Variants in ADAMTS17 observed in about 807,000 individuals in gnomAD.
ADAMTS17 encodes A disintegrin and metalloproteinase with thrombospondin motifs 17.
Under a neutral mutation model 141.5 loss-of-function variants are expected in ADAMTS17, and 113 were observed. The observed-to-expected ratio is 0.80, with a 90% CI of 0.69 to 0.93. The LOEUF (loss-of-function observed/expected upper bound fraction) is 0.93. ADAMTS17 is among the 40% of genes least tolerant of loss of function. The pLI, the probability that ADAMTS17 is intolerant of heterozygous loss-of-function variation, is 0.00. For missense variants in ADAMTS17, 1,659 were observed against 1,517.9 expected, an observed-to-expected ratio of 1.09 and a Z score of -1.54; for synonymous variants, 768 against 630.6, an observed-to-expected ratio of 1.22 and a Z score of -3.27.
rs1174340931 is a variant in ADAMTS17 at position 100,132,133 on chromosome 15, C to T, written c.1595G>A (p.Cys532Tyr). ...GADKWCRAGECVSKTPIPEHV... is the reference protein window; with the variant it reads ...GADKWCRAGEYVSKTPIPEHV... ...CTCCGGGATGGGCGTCTTGCTCACG[C>T]ACTCCCCCGCGCGGCACCACTGAAA... Residue 532 changes from cysteine (C) to tyrosine (Y), a missense_variant, in exon 12 of 22, where the codon TGC becomes TAC. Cys to Tyr is a radical substitution (Grantham distance 194). Coordinates refer to ENST00000268070, the MANE Select transcript of ADAMTS17 (RefSeq NM_139057.4). 6.2e-7 allele frequency: 1 copy of T among 1,613,886 alleles called. No individual in the cohort carries two copies.
At chr15:100,175,424 C>T (rs912577073) in intron 8 of ADAMTS17, among the ~76,000 whole-genome samples, 1 of 152,128 alleles carries the variant, frequency 6.6e-6, no homozygotes, top group South Asian at 2.1e-4. Context: ...CAGTAGAGCG[C>T]TCATGCATCT....
chr15:100,113,821 T>C (rs2036940523), intron 13 of ADAMTS17, among the ~76,000 whole-genome samples: 1 of 152,140 alleles, frequency 6.6e-6, no homozygotes, highest in Non-Finnish European at 1.5e-5. Flanking sequence ...GGCTCAGACC[T>C]GGGGGGTTCT....
chr15:100,329,525 C>G (rs1278800365), intron 3 of ADAMTS17, among the ~76,000 whole-genome samples: 1 of 111,514 alleles, frequency 9.0e-6, no homozygotes, highest in Non-Finnish European at 1.9e-5. Flanking sequence ...GATCGTGTCT[C>G]CAAAAAAAAA....
intron 4 of ADAMTS17, among the ~76,000 whole-genome samples, chr15:100,272,496 T>C (rs1050861821): frequency 6.6e-6 from 1 of 150,802 alleles, no homozygotes; most frequent in Non-Finnish European, 1.5e-5. Context: ...AGATTATTGT[T>C]AGCATATAGA....
intron 15 of ADAMTS17, among the ~76,000 whole-genome samples, chr15:100,064,348 G>A (rs1013909535): frequency 1.3e-5 from 2 of 152,178 alleles, no homozygotes; most frequent in East Asian, 1.9e-4. Context: ...CCAAAAGACA[G>A]TAAGTTTCTG....
chr15:100,240,241 C>T (rs1425387669), intron 7 of ADAMTS17, among the ~76,000 whole-genome samples: 1 of 152,192 alleles, frequency 6.6e-6, no homozygotes, highest in African/African-American at 2.4e-5. Flanking sequence ...GAGCTGCAGG[C>T]ACCTTTCCAA....
intron 18 of ADAMTS17, among the ~76,000 whole-genome samples, chr15:100,017,894 T>A (rs997846100): frequency 6.6e-6 from 1 of 152,328 alleles, no homozygotes; most frequent in East Asian, 1.9e-4. Flanking sequence ...TTATGTGTGT[T>A]TTTTTGTCGT....
intron 18 of ADAMTS17, among the ~76,000 whole-genome samples, chr15:100,017,242 T>G (rs999864143): frequency 2.0e-5 from 3 of 152,196 alleles, no homozygotes; most frequent in Non-Finnish European, 4.4e-5. Context: ...CGAGTCTGTT[T>G]CCAGGCAGTG....
At position 99,971,518 on chromosome 15, in the gene ADAMTS17, A is replaced by G. The variant is rs913486375; in HGVS notation, c.*2884T>C. ...ATTTTTCTATATAATTTTCATGTAT[A>G]ATGGCGTCCAATGTTTGTCTTCCGT... On this transcript the variant is annotated 3_prime_UTR_variant, in exon 22 of 22. Transcript: ENST00000268070. The G allele has an allele frequency of 2.0e-5, 3 of 152,260 alleles. No individual in the cohort carries two copies. Among genetic ancestry groups the G allele is most frequent in the Non-Finnish European group, 2.9e-5 (2 of 68,052 alleles). The allele number at this position is 152,260 out of a possible 1,614,324, so 9.4% of individuals were successfully genotyped here. A position where few individuals can be genotyped will look rare whatever the true frequency, so the allele number is the denominator to read the frequency against.
At chr15:100,052,885 T>A (rs1212156110) in intron 16 of ADAMTS17, among the ~76,000 whole-genome samples, 1 of 152,192 alleles carries the variant, frequency 6.6e-6, no homozygotes, top group Non-Finnish European at 1.5e-5. Flanking sequence ...TCCCCAGAAA[T>A]TTTAACGGGG....
intron 18 of ADAMTS17, 45 bp downstream of exon 18, chr15:100,048,812 G>A (rs753515405): frequency 1.4e-5 from 22 of 1,613,500 alleles, no homozygotes; most frequent in African/African-American, 6.7e-5. Context: ...TGGTGCTGCC[G>A]CCCCAGACTC....
Position 100,306,397 on chromosome 15 carries a change from G to A in ADAMTS17, c.616+24492C>T, listed in dbSNP as rs903681682. 11 of 442,138 alleles carry A rather than the reference G, an allele frequency of 2.5e-5. 1 individual carries two copies. The highest frequency in any genetic ancestry group is 6.4e-5 in the South Asian group (4 of 62,522). 27.4% of individuals were successfully genotyped at this position (442,138 alleles called of 1,614,324 possible). A position where few individuals can be genotyped will look rare whatever the true frequency, so the allele number is the denominator to read the frequency against. On this transcript the variant is annotated intron_variant, in intron 3 of 21. Transcript: ENST00000268070. ...ATTGGGAGCCCTGGTGGCCATAGAA[G>A]AAGTATGTCTGCCACCAAGGTATGG... is the stretch of plus-strand genomic sequence containing the variant.
chr15:100,141,663 G>T (rs4564540), intron 10 of ADAMTS17, among the ~76,000 whole-genome samples: 76,855 of 151,982 alleles, frequency 0.51, 19,939 homozygotes, highest in Non-Finnish European at 0.55. Flanking sequence ...CCTGGCTGGG[G>T]TTGGGGGCTG....
intron 3 of ADAMTS17, among the ~76,000 whole-genome samples, chr15:100,308,445 A>T (rs759051103): frequency 8.5e-5 from 13 of 152,204 alleles, no homozygotes; most frequent in Admixed American, 5.9e-4. Flanking sequence ...CTTCCTGAGC[A>T]AAGTGCCCAC....
chr15:100,330,008 A>G (rs1484368951), intron 3 of ADAMTS17, among the ~76,000 whole-genome samples: 1 of 152,076 alleles, frequency 6.6e-6, no homozygotes, highest in Non-Finnish European at 1.5e-5. Flanking sequence ...CAGAAGCACA[A>G]CCCCCAGAAG....
At chr15:100,148,770 C>T (rs1007011538) in intron 10 of ADAMTS17, among the ~76,000 whole-genome samples, 2 of 150,994 alleles carry the variant, frequency 1.3e-5, no homozygotes, top group African/African-American at 4.9e-5. Context: ...GGGGAGGGTA[C>T]CAGATTGTCA....
At chr15:100,203,549 C>G (rs2041419968) in intron 7 of ADAMTS17, among the ~76,000 whole-genome samples, 1 of 151,968 alleles carries the variant, frequency 6.6e-6, no homozygotes, top group Admixed American at 6.6e-5. Context: ...ACTAAAAATA[C>G]AAAAAATTAG....
At chr15:99,994,849 C>G (rs572128668) in intron 19 of ADAMTS17, among the ~76,000 whole-genome samples, 8 of 152,384 alleles carry the variant, frequency 5.2e-5, no homozygotes, top group African/African-American at 1.9e-4. Flanking sequence ...CAGGTGCGAG[C>G]CATTGCGCCT....
At chr15:100,224,125 ATC>A (rs2042226607) in intron 7 of ADAMTS17, among the ~76,000 whole-genome samples, 1 of 152,024 alleles carries the variant, frequency 6.6e-6, no homozygotes, top group Non-Finnish European at 1.5e-5. Flanking sequence ...CCAAATGTTA[ATC>A]TCTTTTGCCA....
Sources: gnomAD v4.1 joint callset for allele counts (sites outside exome capture counted in the v4.1 genomes callset) on GRCh38, gnomAD v4.1.1 for gene constraint, MANE v1.5 for transcripts, NCBI Gene and HGNC (gene_info 2026-07-23, HGNC 2026-07-21) for gene names.